Variants in DMXL1 observed in about 807,000 individuals in gnomAD.
DMXL1 encodes dmX-like protein 1.
A neutral mutation model predicts 319.2 loss-of-function variants in DMXL1; 99 were observed. The ratio of observed to expected loss-of-function variants is 0.31; its 90% CI spans 0.26 to 0.37. DMXL1 has a LOEUF of 0.37. Among genes scored for constraint, DMXL1 ranks in the 10% least tolerant of loss-of-function variants. The probability of loss-of-function intolerance (pLI) is 1.00; values close to 1 mark genes in which losing one functional copy is unlikely to be tolerated. For synonymous variants in DMXL1, 1,385 were observed against 1,235.2 expected, an observed-to-expected ratio of 1.12 and a Z score of -2.54; for missense variants, 3,745 against 3,595.6, an observed-to-expected ratio of 1.04 and a Z score of -1.06.
chr5:119,173,672 A>ATGTGTGTG (rs771056976), intron 25 of DMXL1, among the ~76,000 whole-genome samples: 2,092 of 110,164 alleles, frequency 0.019, 31 homozygotes, highest in Non-Finnish European at 0.027. Context: ...AGTAGGATGT[A>ATGTGTGTG]TGTGTGTGTG....
chr5:119,098,091 T>A lies in DMXL1; in HGVS notation c.200T>A (p.Met67Lys), dbSNP rs200363967. 3.1e-6 allele frequency: 5 copies of A among 1,599,246 alleles called. No homozygotes were observed. The Admixed American group carries it at 9.0e-5, about 29-fold the overall frequency. The change falls in exon 2 of 44, where the codon ATG becomes AAG. Residue 67 changes from methionine (M) to lysine (K), a missense_variant. Physicochemically the swap from Met to Lys is moderately conservative, Grantham distance 95. Coordinates refer to ENST00000539542, the MANE Select transcript of DMXL1 (RefSeq NM_001290321.3). Reference protein sequence around the residue: ...NIQVGCVDCSMQQGKIAASYG... With the variant: ...NIQVGCVDCSKQQGKIAASYG... ...CAAGTGGGATGTGTAGACTGTTCAA[T>A]GCAACAAGGCAAGGTTTGTAATCTT...
intron 3 of DMXL1, chr5:119,102,309 C>T (rs1021722398): frequency 1.8e-5 from 4 of 223,398 alleles, no homozygotes; most frequent in Non-Finnish European, 1.7e-5. Flanking sequence ...TATCAAATAC[C>T]GTTGTCCAGC....
At chr5:119,163,644 A>G (rs1173558238) in intron 19 of DMXL1, among the ~76,000 whole-genome samples, 1 of 152,160 alleles carries the variant, frequency 6.6e-6, no homozygotes, top group African/African-American at 2.4e-5. Context: ...GCTGGAGTGC[A>G]GTGGCACAAT....
chr5:119,189,773 A>G lies in DMXL1; in HGVS notation c.7201A>G (p.Arg2401Gly), dbSNP rs1316226165. 6.2e-7 allele frequency: 1 copy of G among 1,614,050 alleles called. No homozygotes were observed. Among genetic ancestry groups the G allele is most frequent in the Non-Finnish European group, 8.5e-7 (1 of 1,180,010 alleles). ...TTTTAGGCCGTCAAAAATGTCTTGC[A>G]GAGAATCTGCCCCACTGACCCCTTC... is the stretch of plus-strand genomic sequence containing the variant. ...KRFRPSKMSC[R>G]ESAPLTPSSA... Residue 2401 changes from arginine to glycine, a missense_variant, in exon 29 of 44, where the codon AGA becomes GGA. Transcript: ENST00000539542.
intron 33 of DMXL1, among the ~76,000 whole-genome samples, chr5:119,204,453 G>A (rs1483054643): frequency 1.3e-5 from 2 of 151,740 alleles, no homozygotes; most frequent in African/African-American, 4.8e-5. Context: ...TTTTAAATAT[G>A]TACATTTTCT....
intron 4 of DMXL1, among the ~76,000 whole-genome samples, chr5:119,109,592 A>G (rs1369939537): frequency 1.3e-5 from 2 of 152,234 alleles, no homozygotes; most frequent in Admixed American, 6.5e-5. Flanking sequence ...TACCAGATTA[A>G]GAGGCATTCT....
At chr5:119,193,774 G>C in intron 29 of DMXL1, 54 bp from the exon 30 acceptor site, 1 of 1,514,852 alleles carries the variant, frequency 6.6e-7, no homozygotes, top group South Asian at 1.1e-5. Context: ...CTGTATGTTT[G>C]AATGTATTAA....
At chr5:119,142,470 C>T (rs1767598327) in intron 13 of DMXL1, among the ~76,000 whole-genome samples, 2 of 144,412 alleles carry the variant, frequency 1.4e-5, no homozygotes, top group South Asian at 2.1e-4. Context: ...ATAAAAACCG[C>T]AATGTGGCAC....
rs1581021666 is a variant in DMXL1, at chr5:119,149,191, CAAG to C, written c.3366_3368del (p.Gln1122_Asp1123delinsHis). The stretch of plus-strand genomic sequence containing the variant: ...TAGCAATTTAGTGGCCTATAATAAA[CAAG>C]ACATGTATTTATCTAGTAAAGAGAA... On this transcript the variant is annotated inframe_deletion, in exon 18 of 44. Coordinates refer to ENST00000539542, the MANE Select transcript of DMXL1 (RefSeq NM_001290321.3). 3 of 1,613,760 alleles carry C rather than the reference CAAG, an allele frequency of 1.9e-6. No individual in the cohort carries two copies. The highest frequency in any genetic ancestry group is 2.5e-6 in the Non-Finnish European group (3 of 1,179,802).
At chr5:119,137,887 A>G (rs946350078) in intron 13 of DMXL1, among the ~76,000 whole-genome samples, 1 of 152,236 alleles carries the variant, frequency 6.6e-6, no homozygotes, top group Non-Finnish European at 1.5e-5. Context: ...TGGCTGGAGC[A>G]GAGCATGTGA....
At chr5:119,169,673 G>A (rs913397297) in intron 23 of DMXL1, among the ~76,000 whole-genome samples, 2 of 152,208 alleles carry the variant, frequency 1.3e-5, no homozygotes, top group African/African-American at 4.8e-5. Context: ...GGATATAGGA[G>A]TTTAGGTTTT....
intron 34 of DMXL1, among the ~76,000 whole-genome samples, chr5:119,214,744 G>A (rs1206665050): frequency 6.6e-6 from 1 of 152,116 alleles, no homozygotes; most frequent in East Asian, 1.9e-4. Flanking sequence ...GAGAAACAAT[G>A]TTTTTAGTAA....
intron 1 of DMXL1, among the ~76,000 whole-genome samples, chr5:119,077,682 G>C (rs1309145025): frequency 7.1e-6 from 1 of 140,834 alleles, no homozygotes; most frequent in Non-Finnish European, 1.5e-5. Flanking sequence ...ATATGTGTGT[G>C]TGTGTGTGTG....
chr5:119,177,619 A>G (rs973847190), intron 27 of DMXL1, 135 bp downstream of exon 27: 4 of 659,296 alleles, frequency 6.1e-6, no homozygotes, highest in Non-Finnish European at 9.6e-6. Flanking sequence ...AGTATTCACC[A>G]CTCATTCTGA....
At chr5:119,202,738 C>T (rs998731625) in intron 32 of DMXL1, among the ~76,000 whole-genome samples, 1 of 151,254 alleles carries the variant, frequency 6.6e-6, no homozygotes. Context: ...GTAATCCCAG[C>T]TACTCGGGAG....
intron 19 of DMXL1, among the ~76,000 whole-genome samples, chr5:119,153,984 C>T (rs945896047): frequency 2.0e-5 from 3 of 152,164 alleles, no homozygotes; most frequent in African/African-American, 7.2e-5. Context: ...CATCTGTGAT[C>T]AGTGATCTTT....
rs1457821062 is a variant in DMXL1, at chr5:119,166,546, TTAGAAAA to T, written c.4971-68_4971-62del. The T allele has an allele frequency of 4.3e-6, 6 of 1,401,032 alleles. No homozygotes were observed. The African/African-American group carries it at 8.8e-5, about 20-fold the overall frequency. 86.8% of individuals were successfully genotyped at this position (1,401,032 alleles called of 1,614,324 possible). Reference sequence around the variant, plus strand: ...ATTTAGACTTAGCCAAATCTTAACTTTAGAAAATTGATTCTGATGTAAAGAAAATTGT... The same window carrying T: ...ATTTAGACTTAGCCAAATCTTAACTTTTGATTCTGATGTAAAGAAAATTGT... On this transcript the variant is annotated intron_variant, in intron 21 of 43. Coordinates refer to ENST00000539542, the MANE Select transcript of DMXL1 (RefSeq NM_001290321.3).
At chr5:119,151,841 A>G in intron 18 of DMXL1, 88 bp from the exon 19 acceptor site, 3 of 661,818 alleles carry the variant, frequency 4.5e-6, no homozygotes, top group African/African-American at 1.8e-5. Context: ...TTTCTTGGTC[A>G]GGTTAAGAAT....
intron 37 of DMXL1, among the ~76,000 whole-genome samples, chr5:119,222,339 G>A (rs1418338342): frequency 2.0e-5 from 3 of 152,088 alleles, no homozygotes; most frequent in Non-Finnish European, 2.9e-5. Flanking sequence ...TCAAGTAGCA[G>A]TGTTTTAAGG....
Sources: allele counts gnomAD v4.1 joint callset (sites outside exome capture counted in the v4.1 genomes callset), GRCh38; gene constraint gnomAD v4.1.1; transcripts MANE v1.5; gene names NCBI Gene and HGNC (gene_info 2026-07-23, HGNC 2026-07-21).